RUNX2: variants seen among roughly 807,000 people sequenced by gnomAD.
RUNX2 encodes RUNX family transcription factor 2, also known as runt-related transcription factor 2.
In RUNX2, 10 loss-of-function variants were observed where a neutral mutation model predicts 51.7. That is an observed-to-expected ratio of 0.19 (90% CI 0.12 to 0.33). RUNX2 has a LOEUF of 0.33. RUNX2 is among the 10% of genes least tolerant of loss of function. RUNX2 has a pLI of 1.00. For missense variants in RUNX2, 562 were observed against 691.3 expected (o/e 0.81, Z 2.10); for synonymous variants, 276 against 273.6 (o/e 1.01, Z -0.09).
At chr6:45,491,676 C>T (rs1800477704) in intron 5 of RUNX2, among the ~76,000 whole-genome samples, 1 of 137,222 alleles carries the variant, frequency 7.3e-6, no homozygotes, top group Non-Finnish European at 1.5e-5. Context: ...TGTCTAGTAT[C>T]CTGCCTCTCT....
chr6:45,355,320 T>C (rs1792945033), intron 2 of RUNX2, among the ~76,000 whole-genome samples: 1 of 152,124 alleles, frequency 6.6e-6, no homozygotes, highest in Admixed American at 6.5e-5. Flanking sequence ...ATGAACTTTC[T>C]GTATTTTCTA....
At chr6:45,400,750 G>A (rs1476216106) in intron 2 of RUNX2, among the ~76,000 whole-genome samples, 1 of 152,108 alleles carries the variant, frequency 6.6e-6, no homozygotes, top group Non-Finnish European at 1.5e-5. Context: ...TCTTCACAAA[G>A]ACTCTCTGTG....
intron 2 of RUNX2, among the ~76,000 whole-genome samples, chr6:45,330,231 G>C (rs1338958639): frequency 6.6e-6 from 1 of 151,774 alleles, no homozygotes; most frequent in South Asian, 2.1e-4. Flanking sequence ...TTAATGATGG[G>C]TACCAAGTAT....
intron 5 of RUNX2, among the ~76,000 whole-genome samples, chr6:45,461,411 T>TA (rs1450787635): frequency 6.6e-6 from 1 of 151,928 alleles, no homozygotes; most frequent in Non-Finnish European, 1.5e-5. Context: ...ACGGAAGACG[T>TA]AGAAGGGAAG....
intron 2 of RUNX2, among the ~76,000 whole-genome samples, chr6:45,407,032 T>C (rs1018081085): frequency 6.6e-6 from 1 of 152,234 alleles, no homozygotes; most frequent in Non-Finnish European, 1.5e-5. Flanking sequence ...TATCCTTACC[T>C]GTAAAACCCT....
In RUNX2 at chr6:45,512,231, T is replaced by C; in HGVS notation, c.860-15T>C. ...TGGTTGCTATACTAAAGATTTTTCT[T>C]TTTCTTTTTCCCAGACCCCAGGCAG... On this transcript the variant is annotated splice_polypyrimidine_tract_variant and intron_variant, in intron 6 of 8. Coordinates refer to ENST00000647337, the MANE Select transcript of RUNX2 (RefSeq NM_001024630.4). The C allele has an allele frequency of 6.2e-7, 1 of 1,612,788 alleles. No individual in the cohort carries two copies. The highest frequency in any genetic ancestry group is 8.5e-7 in the Non-Finnish European group (1 of 1,179,982).
intron 6 of RUNX2, among the ~76,000 whole-genome samples, chr6:45,497,265 C>T (rs1369869125): frequency 6.6e-6 from 1 of 152,068 alleles, no homozygotes; most frequent in East Asian, 1.9e-4. Flanking sequence ...TCTAAGCAGT[C>T]AATGAAAGTT....
At chr6:45,405,891 G>C (rs960103119) in intron 2 of RUNX2, among the ~76,000 whole-genome samples, 43 of 152,052 alleles carry the variant, frequency 2.8e-4, no homozygotes, top group Admixed American at 2.8e-3. Flanking sequence ...TTTACTACTT[G>C]TGTGACATTT....
intron 4 of RUNX2, among the ~76,000 whole-genome samples, chr6:45,435,025 G>A (rs58983041): frequency 0.013 from 1,903 of 152,222 alleles, 47 homozygotes; most frequent in African/African-American, 0.043. Context: ...AGAAGCAGAA[G>A]GAGCCTCATT....
At position 45,371,582 on chromosome 6, in the gene RUNX2, C is replaced by T. The variant is rs536351574; in HGVS notation, c.58+42798C>T. 5.3e-5 allele frequency among the ~76,000 whole-genome samples: 8 copies of T among 152,136 alleles called. 1 individual carries two copies. In the South Asian group the frequency reaches 1.7e-3, roughly 32 times the overall value. On this transcript the variant is annotated intron_variant, in intron 2 of 8. Transcript: ENST00000647337. ...TAATAACAATCCTCTCATTTTAGTG[C>T]TTTAGTTTTTTCATTAGTAAAAGAT...
At chr6:45,444,153 A>G (rs964426435) in intron 5 of RUNX2, among the ~76,000 whole-genome samples, 2 of 152,198 alleles carry the variant, frequency 1.3e-5, no homozygotes, top group African/African-American at 4.8e-5. Context: ...CCTGGCCAAG[A>G]TTAGAGGTTT....
At chr6:45,519,836 G>GTATATA (rs70996334) in intron 7 of RUNX2, among the ~76,000 whole-genome samples, 2 of 134,620 alleles carry the variant, frequency 1.5e-5, no homozygotes, top group Admixed American at 1.5e-4. Flanking sequence ...GTGTGTGTGT[G>GTATATA]TATATATTTG....
At chr6:45,523,225 G>A (rs78838740) in intron 7 of RUNX2, among the ~76,000 whole-genome samples, 2,416 of 152,176 alleles carry the variant, frequency 0.016, 93 homozygotes, top group African/African-American at 0.055. Context: ...ACTGATCACT[G>A]TTGATAGAAA....
chr6:45,374,023 T>C (rs1796444489), intron 2 of RUNX2, among the ~76,000 whole-genome samples: 1 of 152,216 alleles, frequency 6.6e-6, no homozygotes. Flanking sequence ...AAAATGTTTG[T>C]AAAGTAAGAC....
intron 5 of RUNX2, among the ~76,000 whole-genome samples, chr6:45,465,382 G>T (rs1425567503): frequency 6.6e-6 from 1 of 151,996 alleles, no homozygotes; most frequent in Non-Finnish European, 1.5e-5. Context: ...AGGGTGTTCT[G>T]CCTGGATAAT....
rs1400910037 is a variant in RUNX2, at chr6:45,452,226, G to T, written c.685+14175G>T. Among the ~76,000 whole-genome samples the T allele has an allele frequency of 5.9e-5, 9 of 152,330 alleles. No homozygotes were observed. In the South Asian group the frequency reaches 1.7e-3, roughly 28 times the overall value. On this transcript the variant is annotated intron_variant, in intron 5 of 8. Coordinates refer to ENST00000647337, the MANE Select transcript of RUNX2 (RefSeq NM_001024630.4). ...ACATTTCCAGGTGACACCAAAGTTC[G>T]TATAACCTGGAGCTTGAGTGATGCA...
At chr6:45,417,683 G>A (rs534143133) in intron 2 of RUNX2, among the ~76,000 whole-genome samples, 121 of 152,246 alleles carry the variant, frequency 7.9e-4, no homozygotes, top group African/African-American at 2.9e-3. Flanking sequence ...CTTGTGACTC[G>A]TACAGTGTCA....
At chr6:45,518,321 C>A (rs1487341538) in intron 7 of RUNX2, among the ~76,000 whole-genome samples, 1 of 152,126 alleles carries the variant, frequency 6.6e-6, no homozygotes, top group Admixed American at 6.5e-5. Flanking sequence ...CCGTATTCTT[C>A]ATTATATCGC....
At chr6:45,451,301 G>T (rs1167749361) in intron 5 of RUNX2, among the ~76,000 whole-genome samples, 1 of 152,146 alleles carries the variant, frequency 6.6e-6, no homozygotes, top group Admixed American at 6.5e-5. Flanking sequence ...TTTCTTAGAT[G>T]AAGAGCAATA....
Sources: gnomAD v4.1 joint callset for allele counts (sites outside exome capture counted in the v4.1 genomes callset) on GRCh38, gnomAD v4.1.1 for gene constraint, MANE v1.5 for transcripts, NCBI Gene and HGNC (gene_info 2026-07-23, HGNC 2026-07-21) for gene names.